Variants in MAP7D2 observed in about 807,000 individuals in gnomAD.
MAP7D2 encodes MAP7 domain-containing protein 2.
MAP7D2 carries 33 observed loss-of-function variants against 63.5 expected under a neutral mutation model. That is an observed-to-expected ratio of 0.52 (90% CI 0.39 to 0.70). The LOEUF is 0.70. MAP7D2 is among the 30% of genes least tolerant of loss of function. The pLI is 0.00. For synonymous variants in MAP7D2, 224 were observed against 223.7 expected (o/e 1.00, Z -0.01); for missense variants, 626 against 604.0 (o/e 1.04, Z -0.38).
chrX:20,052,869 T>C lies in MAP7D2; in HGVS notation c.595+9A>G. ...AAACTAGAGAGACCAAGTCTACATG[T>C]TCACTTGCCTCGGTCTGGGGAATAG... On this transcript the variant is annotated intron_variant, in intron 5 of 16. Coordinates refer to ENST00000379643, the MANE Select transcript of MAP7D2 (RefSeq NM_001168465.2). 8.6e-7 allele frequency: 1 copy of C among 1,160,518 alleles called. No homozygotes were observed. The highest frequency in any genetic ancestry group is 1.2e-6 in the Non-Finnish European group (1 of 849,002).
chrX:20,110,354 T>C lies in MAP7D2; in HGVS notation c.130+6396A>G, dbSNP rs754417017. 1.2e-4 allele frequency among the ~76,000 whole-genome samples: 13 copies of C among 109,659 alleles called. No homozygotes were observed. The East Asian group carries it at 2.3e-3, about 20-fold the overall frequency. On this transcript the variant is annotated intron_variant, in intron 1 of 16. Transcript: ENST00000379643. ...AATACAAAAAATTAGCCGAGCGTGC[T>C]AGTGCATGCCTGTAGTCCCAGCTAC...
intron 1 of MAP7D2, among the ~76,000 whole-genome samples, chrX:20,096,429 CAAAAAA>C (rs775218484): frequency 2.5e-5 from 1 of 40,117 alleles, no homozygotes. Flanking sequence ...GACCTTGTCT[CAAAAAA>C]AAAAAAAAAA....
At chrX:20,056,599 A>C in intron 4 of MAP7D2, 81 bp downstream of exon 4, 1 of 796,677 alleles carries the variant, frequency 1.3e-6, no homozygotes. Flanking sequence ...TCCTGGAGAC[A>C]CCCAGTGGTG....
At chrX:20,116,644 G>A (rs2066902112) in intron 1 of MAP7D2, 106 bp downstream of exon 1, 3 of 1,029,379 alleles carry the variant, frequency 2.9e-6, no homozygotes, top group South Asian at 3.1e-5. Context: ...GCTCTGCGCC[G>A]TGCCCCTTCC....
intron 8 of MAP7D2, among the ~76,000 whole-genome samples, chrX:20,036,669 G>T (rs2064498192): frequency 9.5e-6 from 1 of 105,283 alleles, no homozygotes; most frequent in Non-Finnish European, 2.0e-5. Flanking sequence ...ACTTTGGGAG[G>T]CCAAGGTGGG....
chrX:20,013,543 A>T (rs753849443), intron 13 of MAP7D2, 26 bp downstream of exon 13: 12 of 1,150,568 alleles, frequency 1.0e-5, no homozygotes, highest in Non-Finnish European at 1.4e-5. Flanking sequence ...TACATAAACT[A>T]TTAAAATGGT....
intron 10 of MAP7D2, among the ~76,000 whole-genome samples, chrX:20,023,945 A>C (rs1360444099): frequency 1.8e-5 from 2 of 112,114 alleles, no homozygotes; most frequent in Non-Finnish European, 3.8e-5. Context: ...GTCGAGACCT[A>C]CCCCACTGTC....
intron 8 of MAP7D2, among the ~76,000 whole-genome samples, chrX:20,040,061 T>C (rs1338362120): frequency 1.9e-5 from 2 of 107,229 alleles, no homozygotes; most frequent in Non-Finnish European, 3.8e-5. Flanking sequence ...ACTGGCTTAG[T>C]CTTCTGGCCT....
chrX:20,062,356 G>A (rs1166079068), intron 3 of MAP7D2, among the ~76,000 whole-genome samples: 3 of 111,192 alleles, frequency 2.7e-5, no homozygotes, highest in South Asian at 3.8e-4. Context: ...AGCCAATAAC[G>A]GTGAACCATA....
At chrX:20,072,727 C>G (rs750665968) in intron 1 of MAP7D2, among the ~76,000 whole-genome samples, 2 of 111,719 alleles carry the variant, frequency 1.8e-5, no homozygotes, top group South Asian at 3.8e-4. Flanking sequence ...TTTACCAGCT[C>G]TCTAGGTATT....
chrX:20,050,466 C>T (rs1289385739), intron 6 of MAP7D2, among the ~76,000 whole-genome samples: 1 of 111,967 alleles, frequency 8.9e-6, no homozygotes, highest in Non-Finnish European at 1.9e-5. Flanking sequence ...AATTAACTTA[C>T]CCCCAATGGT....
At position 20,047,490 on chromosome X, in the gene MAP7D2, T is replaced by C. The variant is rs1046489156; in HGVS notation, c.719-2966A>G. 7.2e-5 allele frequency among the ~76,000 whole-genome samples: 8 copies of C among 110,688 alleles called. No homozygotes were observed. The East Asian group carries it at 8.5e-4, about 12-fold the overall frequency. On this transcript the variant is annotated intron_variant, in intron 6 of 16. Coordinates refer to ENST00000379643, the MANE Select transcript of MAP7D2 (RefSeq NM_001168465.2). ...GTAAAAAGATTCATACAGCAACTGA[T>C]GGAGGAGGCCACCTGGCTGCCTCAA...
chrX:20,091,123 G>A (rs1233494733), intron 1 of MAP7D2, among the ~76,000 whole-genome samples: 2 of 104,138 alleles, frequency 1.9e-5, no homozygotes, highest in Non-Finnish European at 3.9e-5. Context: ...CGCGATCTCA[G>A]CTCACTACAA....
intron 1 of MAP7D2, among the ~76,000 whole-genome samples, chrX:20,097,831 A>C (rs1436216483): frequency 1.8e-5 from 2 of 111,426 alleles, no homozygotes; most frequent in Non-Finnish European, 3.8e-5. Context: ...TTTGGGACTC[A>C]TAAATGCACA....
At chrX:20,101,811 G>A (rs765171773) in intron 1 of MAP7D2, among the ~76,000 whole-genome samples, 2 of 112,293 alleles carry the variant, frequency 1.8e-5, no homozygotes, top group Non-Finnish European at 3.8e-5. Context: ...ACACAAAGAA[G>A]GATATACTTG....
chrX:20,098,948 A>G lies in MAP7D2; in HGVS notation c.130+17802T>C, dbSNP rs139913137. ...TCCCAACCCTCATGGTGTGTGTGCC[A>G]TCCACACTACTCAAGGTCCAGGTGT... On this transcript the variant is annotated intron_variant, in intron 1 of 16. Coordinates refer to ENST00000379643, the MANE Select transcript of MAP7D2 (RefSeq NM_001168465.2). Among the ~76,000 whole-genome samples, 352 of 112,774 alleles carry G rather than the reference A, an allele frequency of 3.1e-3. 2 individuals carry two copies. The highest frequency in any genetic ancestry group is 0.011 in the African/African-American group (335 of 31,129).
chrX:20,046,643 T>C (rs1302332727), intron 6 of MAP7D2, among the ~76,000 whole-genome samples: 1 of 112,534 alleles, frequency 8.9e-6, no homozygotes, highest in Admixed American at 9.4e-5. Context: ...CTGGATAAAA[T>C]GATCAAGATG....
In MAP7D2 at chrX:20,044,390, C is replaced by T; in HGVS notation, c.853G>A (p.Ala285Thr). The T allele has an allele frequency of 8.3e-7, 1 of 1,211,530 alleles. No homozygotes were observed. The highest frequency in any genetic ancestry group is 1.7e-5 in the African/African-American group (1 of 57,759). The change falls in exon 7 of 17, where the codon GCC (alanine) becomes ACC (threonine). Residue 285 changes from alanine to threonine, a missense_variant. By Grantham distance (58) the Ala-to-Thr change is moderately conservative. Coordinates refer to ENST00000379643, the MANE Select transcript of MAP7D2 (RefSeq NM_001168465.2). ...TSGAGDVGKE[A>T]LSGGEASLVE... ...AGAGAGGCCTCTCCTCCTGAAAGGGCTTCTTTCCCAACATCTCCTGCACCA... is the reference window on the plus strand; with the variant it reads ...AGAGAGGCCTCTCCTCCTGAAAGGGTTTCTTTCCCAACATCTCCTGCACCA...
intron 1 of MAP7D2, among the ~76,000 whole-genome samples, chrX:20,111,229 A>AC (rs2066733741): frequency 9.0e-6 from 1 of 111,087 alleles, no homozygotes; most frequent in Non-Finnish European, 1.9e-5. Flanking sequence ...AGCCCAGGCA[A>AC]CCCCCAGAAC....
Sources: gnomAD v4.1 joint callset for allele counts (sites outside exome capture counted in the v4.1 genomes callset) on GRCh38, gnomAD v4.1.1 for gene constraint, MANE v1.5 for transcripts, NCBI Gene and HGNC (gene_info 2026-07-23, HGNC 2026-07-21) for gene names.